Variants in CTNNA3 observed in about 807,000 individuals in gnomAD.
CTNNA3 encodes the protein catenin alpha 3.
Under a neutral mutation model 95.7 loss-of-function variants are expected in CTNNA3, and 76 were observed. The ratio of observed to expected loss-of-function variants is 0.79; its 90% CI spans 0.66 to 0.96. CTNNA3 has a LOEUF of 0.96. Ranked by LOEUF, CTNNA3 falls within the 40% of genes least tolerant of loss-of-function variation. The pLI is 0.00. For synonymous variants in CTNNA3, 431 were observed against 374.4 expected (o/e 1.15, Z -1.74); for missense variants, 1,191 against 1,089.8 (o/e 1.09, Z -1.31).
At chr10:66,106,796 T>A (rs756378092) in intron 13 of CTNNA3, among the ~76,000 whole-genome samples, 7 of 152,188 alleles carry the variant, frequency 4.6e-5, no homozygotes, top group Non-Finnish European at 1.5e-5. Context: ...ATAATTTTAA[T>A]CCAGTATAAT....
chr10:66,860,430 A>G (rs985412984), intron 7 of CTNNA3, among the ~76,000 whole-genome samples: 1 of 152,162 alleles, frequency 6.6e-6, no homozygotes, highest in Non-Finnish European at 1.5e-5. Flanking sequence ...AAATCTTAAT[A>G]TATTGACAGC....
chr10:66,256,581 C>T (rs2090789187), intron 13 of CTNNA3, among the ~76,000 whole-genome samples: 1 of 151,982 alleles, frequency 6.6e-6, no homozygotes, highest in African/African-American at 2.4e-5. Flanking sequence ...ATTAGCCGGT[C>T]ATGGTGGCAC....
intron 5 of CTNNA3, among the ~76,000 whole-genome samples, chr10:67,359,915 T>C (rs1842938522): frequency 6.6e-6 from 1 of 151,954 alleles, no homozygotes; most frequent in Admixed American, 6.6e-5. Flanking sequence ...CTTTTCTAAG[T>C]CAACAAAGAA....
rs199510170 is a variant in CTNNA3 at position 66,880,619 on chromosome 10, T to TA, written c.1048-105096dup. ...CAGCAGCTAGAATTTGCCAGTGACTTAAAAAATGGCACTAACACATCACAT... is the reference window on the plus strand; with the variant it reads ...CAGCAGCTAGAATTTGCCAGTGACTTAAAAAAATGGCACTAACACATCACAT... On this transcript the variant is annotated intron_variant, in intron 7 of 17. Transcript: ENST00000433211. Among the ~76,000 whole-genome samples, 1,410 of 152,156 alleles carry TA rather than the reference T, an allele frequency of 9.3e-3. 25 individuals carry two copies. The highest frequency in any genetic ancestry group is 0.032 in the African/African-American group (1,332 of 41,524).
chr10:66,777,168 C>G (rs1006245616), intron 7 of CTNNA3, among the ~76,000 whole-genome samples: 5 of 152,270 alleles, frequency 3.3e-5, no homozygotes, highest in African/African-American at 4.8e-5. Context: ...AAATGGCCAT[C>G]ATTGGAGATC....
At chr10:66,144,996 C>T (rs924603692) in intron 13 of CTNNA3, among the ~76,000 whole-genome samples, 4 of 115,532 alleles carry the variant, frequency 3.5e-5, no homozygotes, top group African/African-American at 1.1e-4. Context: ...TTTGTATACC[C>T]CTACTTTTGT....
At chr10:67,413,776 T>G (rs1393113643) in intron 5 of CTNNA3, among the ~76,000 whole-genome samples, 2 of 152,040 alleles carry the variant, frequency 1.3e-5, no homozygotes, top group Non-Finnish European at 2.9e-5. Context: ...AATACCAAAA[T>G]GATCTCTCAA....
At chr10:67,328,354 C>G (rs1381079504) in intron 5 of CTNNA3, among the ~76,000 whole-genome samples, 1 of 152,158 alleles carries the variant, frequency 6.6e-6, no homozygotes, top group Non-Finnish European at 1.5e-5. Context: ...TGGGAAAGGA[C>G]AGCAGACCAA....
chr10:66,856,111 T>C (rs565037386), intron 7 of CTNNA3, among the ~76,000 whole-genome samples: 5 of 151,992 alleles, frequency 3.3e-5, no homozygotes, highest in South Asian at 2.1e-4. Flanking sequence ...GTCTGTTGTC[T>C]CCTTCATTCT....
At chr10:66,239,115 A>G (rs2089992378) in intron 13 of CTNNA3, among the ~76,000 whole-genome samples, 1 of 151,916 alleles carries the variant, frequency 6.6e-6, no homozygotes, top group Admixed American at 6.6e-5. Context: ...TAATATATTT[A>G]TAAGAGTATT....
chr10:66,730,214 T>C (rs1408316512), intron 9 of CTNNA3, among the ~76,000 whole-genome samples: 1 of 151,930 alleles, frequency 6.6e-6, no homozygotes, highest in East Asian at 1.9e-4. Context: ...TGCCTGTTAA[T>C]GATAGACTGG....
At chr10:66,243,794 C>T (rs991376330) in intron 13 of CTNNA3, among the ~76,000 whole-genome samples, 2 of 152,140 alleles carry the variant, frequency 1.3e-5, no homozygotes, top group Admixed American at 1.3e-4. Context: ...AGGGAAGAAC[C>T]CAGTAACCAC....
At chr10:66,876,124 C>T (rs909452564) in intron 7 of CTNNA3, among the ~76,000 whole-genome samples, 1 of 152,104 alleles carries the variant, frequency 6.6e-6, no homozygotes, top group African/African-American at 2.4e-5. Flanking sequence ...TTCCTATTTT[C>T]CTTACTGTTA....
intron 13 of CTNNA3, among the ~76,000 whole-genome samples, chr10:66,266,159 A>AGAAG (rs1194752781): frequency 1.8e-4 from 24 of 131,500 alleles, no homozygotes; most frequent in African/African-American, 6.0e-4. Flanking sequence ...AAGGAAGGAA[A>AGAAG]GAAGGAAGGA....
chr10:66,287,475 C>T (rs2091608314), intron 12 of CTNNA3, among the ~76,000 whole-genome samples: 1 of 152,044 alleles, frequency 6.6e-6, no homozygotes, highest in Non-Finnish European at 1.5e-5. Context: ...GGCACTCAGA[C>T]TCAGAGCCTG....
At chr10:67,339,150 T>C (rs1447219580) in intron 5 of CTNNA3, among the ~76,000 whole-genome samples, 2 of 152,200 alleles carry the variant, frequency 1.3e-5, no homozygotes, top group African/African-American at 4.8e-5. Context: ...TACATGGCCA[T>C]GGTGGGCTTC....
intron 7 of CTNNA3, among the ~76,000 whole-genome samples, chr10:66,892,351 A>C (rs1845302001): frequency 6.6e-6 from 1 of 152,124 alleles, no homozygotes; most frequent in Admixed American, 6.5e-5. Context: ...AGTGATTTTT[A>C]AAATTAATTA....
intron 5 of CTNNA3, among the ~76,000 whole-genome samples, chr10:67,264,752 C>T (rs1298404323): frequency 6.6e-6 from 1 of 152,098 alleles, no homozygotes; most frequent in African/African-American, 2.4e-5. Flanking sequence ...TAGAGGTTCA[C>T]CCTCCGAAAA....
chr10:67,130,156 T>C (rs561378669), intron 7 of CTNNA3, among the ~76,000 whole-genome samples: 4 of 152,242 alleles, frequency 2.6e-5, no homozygotes. Flanking sequence ...GGAGGGTTCC[T>C]GCCTCAGTGT....
Sources: allele counts gnomAD v4.1 joint callset (sites outside exome capture counted in the v4.1 genomes callset), GRCh38; gene constraint gnomAD v4.1.1; transcripts MANE v1.5; gene names NCBI Gene and HGNC (gene_info 2026-07-23, HGNC 2026-07-21).